Variants in SCN10A observed in about 807,000 individuals in gnomAD.
The protein encoded by SCN10A is sodium channel protein type 10 subunit alpha.
A neutral mutation model predicts 170.7 loss-of-function variants in SCN10A; 162 were observed. The observed-to-expected ratio is 0.95, with a 90% CI of 0.84 to 1.08. The LOEUF is 1.08. Ranked by LOEUF, SCN10A falls within the 50% of genes least tolerant of loss-of-function variation. The pLI is 0.00. For missense variants in SCN10A, 2,527 were observed against 2,436.9 expected (o/e 1.04, Z -0.78); for synonymous variants, 985 against 904.6 (o/e 1.09, Z -1.59).
chr3:38,709,502 G>C lies in SCN10A; in HGVS notation c.4257C>G (p.Asp1419Glu). The change falls in exon 25 of 28, where the codon GAC (aspartate) becomes GAG (glutamate). Residue 1419 changes from aspartate to glutamate, a missense_variant. Coordinates refer to ENST00000449082, the MANE Select transcript of SCN10A (RefSeq NM_006514.4). ...TLNLFVGVII[D>E]NFNQQKKKLG... ...TCTTTTTTTTCTGTTGATTGAAGTT[G>C]TCAATTATGACCCCAACAAAGAGAT... 5 of 1,610,356 alleles carry C rather than the reference G, an allele frequency of 3.1e-6. No individual in the cohort carries two copies. The East Asian group carries it at 1.1e-4, about 36-fold the overall frequency.
At chr3:38,717,204 G>T (rs1453167958) in intron 21 of SCN10A, among the ~76,000 whole-genome samples, 3 of 152,086 alleles carry the variant, frequency 2.0e-5, no homozygotes, top group African/African-American at 7.2e-5. Flanking sequence ...TGGAAGGGGA[G>T]GACTGATGAA....
chr3:38,794,250 T>C (rs1421481121), intron 1 of SCN10A, among the ~76,000 whole-genome samples: 1 of 152,074 alleles, frequency 6.6e-6, no homozygotes, highest in African/African-American at 2.4e-5. Context: ...TCCAGGTGCC[T>C]CAGGGTTATG....
rs2064316629 is a variant in SCN10A, at chr3:38,793,824, G to C, written c.187C>G (p.Leu63Val). 1 of 1,613,910 alleles carries C rather than the reference G, an allele frequency of 6.2e-7. No homozygotes were observed. The highest frequency in any genetic ancestry group is 1.7e-5 in the Admixed American group (1 of 59,984). ...PQLDLKACNQ[L>V]PKFYGELPAE... ...GGGAGCTCACCATAGAACTTGGGCAGCTGGTTGCAGGCTTTCAAGTCCAGC... is the reference window on the plus strand; with the variant it reads ...GGGAGCTCACCATAGAACTTGGGCACCTGGTTGCAGGCTTTCAAGTCCAGC... Residue 63 changes from leucine to valine, a missense_variant, in exon 2 of 28, where the codon CTG (leucine) becomes GTG (valine). Physicochemically the swap from Leu to Val is conservative, Grantham distance 32 (BLOSUM62 1). Transcript: ENST00000449082.
chr3:38,731,262 G>A (rs1466257472), intron 15 of SCN10A, among the ~76,000 whole-genome samples: 4 of 152,084 alleles, frequency 2.6e-5, no homozygotes, highest in Non-Finnish European at 4.4e-5. Flanking sequence ...TCAAAGACAC[G>A]GGCAAACTGA....
chr3:38,733,551 A>G (rs937830773), intron 15 of SCN10A, among the ~76,000 whole-genome samples: 1 of 152,214 alleles, frequency 6.6e-6, no homozygotes, highest in African/African-American at 2.4e-5. Context: ...TTTGGCTTTG[A>G]TTAAGTTAAC....
intron 5 of SCN10A, among the ~76,000 whole-genome samples, chr3:38,765,569 T>G (rs2063923037): frequency 6.6e-6 from 1 of 152,218 alleles, no homozygotes; most frequent in South Asian, 2.1e-4. Flanking sequence ...CATTGGTCTA[T>G]GTGCTTATTT....
In SCN10A at chr3:38,711,545, G is replaced by C. The variant is rs557037295; in HGVS notation, c.4089+616C>G. Among the ~76,000 whole-genome samples the C allele has an allele frequency of 1.6e-4, 24 of 152,298 alleles. No homozygotes were observed. In the South Asian group the frequency reaches 4.1e-3, roughly 26 times the overall value. On this transcript the variant is annotated intron_variant, in intron 23 of 27. Coordinates refer to ENST00000449082, the MANE Select transcript of SCN10A (RefSeq NM_006514.4). ...CCCAGGGCTGAGTAGTACCATGCCT[G>C]GCATACCAGAGCTACTCAGAGATTA...
In SCN10A at chr3:38,803,770, C is replaced by T. The variant is rs568494625; in HGVS notation, c.-32-9728G>A. Among the ~76,000 whole-genome samples, 7 of 152,150 alleles carry T rather than the reference C, an allele frequency of 4.6e-5. No individual in the cohort carries two copies. The South Asian group carries it at 1.0e-3, about 23-fold the overall frequency. On this transcript the variant is annotated intron_variant, in intron 1 of 27. Transcript: ENST00000449082. The stretch of plus-strand genomic sequence containing the variant: ...ATATGTAACAAACCTGCACATTGTG[C>T]GCATGTACCCTAGAACTTAAAGTAT...
In SCN10A at chr3:38,723,353, C is replaced by G. The variant is rs2063414955; in HGVS notation, c.3352+77G>C. 3 of 1,552,836 alleles carry G rather than the reference C, an allele frequency of 1.9e-6. No individual in the cohort carries two copies. In the East Asian group the frequency reaches 6.7e-5, roughly 35 times the overall value. ...CACAGCTTGTTTGTCTTCTGTGGAT[C>G]CCAGGTGAGTGTTCGCTCAACTGGA... On this transcript the variant is annotated intron_variant, in intron 19 of 27. Coordinates refer to ENST00000449082, the MANE Select transcript of SCN10A (RefSeq NM_006514.4).
intron 4 of SCN10A, among the ~76,000 whole-genome samples, chr3:38,779,764 GT>G (rs2064116685): frequency 2.0e-5 from 3 of 151,576 alleles, no homozygotes; most frequent in Admixed American, 6.6e-5. Flanking sequence ...TTTGTCTTTT[GT>G]CCAAGAATTC....
At chr3:38,799,429 G>T (rs558071222) in intron 1 of SCN10A, among the ~76,000 whole-genome samples, 6 of 152,246 alleles carry the variant, frequency 3.9e-5, no homozygotes, top group African/African-American at 7.2e-5. Flanking sequence ...AAATAATGTA[G>T]GTAAAATTTT....
chr3:38,705,774 C>T (rs1280762203), intron 26 of SCN10A, among the ~76,000 whole-genome samples: 2 of 152,096 alleles, frequency 1.3e-5, no homozygotes, highest in African/African-American at 4.8e-5. Context: ...CACACACCTC[C>T]TTGGCATCTG....
chr3:38,715,491 C>T (rs964699231), intron 21 of SCN10A, among the ~76,000 whole-genome samples: 1 of 152,226 alleles, frequency 6.6e-6, no homozygotes, highest in African/African-American at 2.4e-5. Flanking sequence ...TGGTCACAAC[C>T]TACTTTTCCA....
At chr3:38,791,808 G>T (rs1324027966) in intron 3 of SCN10A, among the ~76,000 whole-genome samples, 1 of 152,200 alleles carries the variant, frequency 6.6e-6, no homozygotes, top group Non-Finnish European at 1.5e-5. Flanking sequence ...GGTGTGTCTA[G>T]ATTAGTCTGA....
At chr3:38,709,725 G>A (rs754113248) in intron 24 of SCN10A, 110 bp from the exon 25 acceptor site, 39 of 977,640 alleles carry the variant, frequency 4.0e-5, no homozygotes, top group Middle Eastern at 2.2e-4. Context: ...TATCTGGGAG[G>A]TGATCCAAGG....
intron 15 of SCN10A, among the ~76,000 whole-genome samples, chr3:38,735,260 T>C (rs1228782976): frequency 6.6e-6 from 1 of 151,966 alleles, no homozygotes; most frequent in Middle Eastern, 3.2e-3. Context: ...TTTAAAACAT[T>C]GTATAGATAA....
intron 1 of SCN10A, among the ~76,000 whole-genome samples, chr3:38,798,344 G>A (rs1446367051): frequency 2.0e-5 from 3 of 152,120 alleles, no homozygotes; most frequent in African/African-American, 7.2e-5. Context: ...AGAAAGCCCT[G>A]GGCAGACAGA....
At chr3:38,730,109 C>T (rs973148010) in intron 15 of SCN10A, among the ~76,000 whole-genome samples, 4 of 152,078 alleles carry the variant, frequency 2.6e-5, no homozygotes, top group African/African-American at 4.8e-5. Flanking sequence ...CATGGCCTGC[C>T]GAAGGTTGTA....
At chr3:38,800,592 C>A (rs1405862841) in intron 1 of SCN10A, among the ~76,000 whole-genome samples, 1 of 152,072 alleles carries the variant, frequency 6.6e-6, no homozygotes, top group Non-Finnish European at 1.5e-5. Flanking sequence ...GAAAAAGAGA[C>A]CTGGCACCAA....
Sources: gnomAD v4.1 joint callset for allele counts (sites outside exome capture counted in the v4.1 genomes callset) on GRCh38, gnomAD v4.1.1 for gene constraint, MANE v1.5 for transcripts, NCBI Gene and HGNC (gene_info 2026-07-23, HGNC 2026-07-21) for gene names.